The following DLGAP4 variants were observed in gnomAD, a reference collection of about 807,000 sequenced individuals.
DLGAP4 encodes disks large-associated protein 4.
DLGAP4 carries 18 observed loss-of-function variants against 86.9 expected under a neutral mutation model. The ratio of observed to expected loss-of-function variants is 0.21; its 90% confidence interval spans 0.14 to 0.31. The LOEUF is 0.31. Among genes scored for constraint, DLGAP4 ranks in the 10% least tolerant of loss-of-function variants. DLGAP4 has a pLI of 1.00. For synonymous variants in DLGAP4, 548 were observed against 574.3 expected, an observed-to-expected ratio of 0.95 and a Z score of 0.65; for missense variants, 1,085 against 1,362.6, an observed-to-expected ratio of 0.80 and a Z score of 3.21.
intron 1 of DLGAP4, among the ~76,000 whole-genome samples, chr20:36,341,995 G>T (rs1335071095): frequency 6.6e-6 from 1 of 152,226 alleles, no homozygotes. Flanking sequence ...AACAGCAGCA[G>T]GCTGTTGGAT....
chr20:36,437,113 A>C (rs753747593), intron 4 of DLGAP4, among the ~76,000 whole-genome samples: 3 of 152,138 alleles, frequency 2.0e-5, no homozygotes, highest in Non-Finnish European at 4.4e-5. Flanking sequence ...ACTCACTACT[A>C]TAATGATCCA....
chr20:36,385,902 G>A (rs2031578527), intron 2 of DLGAP4, among the ~76,000 whole-genome samples: 1 of 152,216 alleles, frequency 6.6e-6, no homozygotes, highest in African/African-American at 2.4e-5. Flanking sequence ...CTTCAGCCCA[G>A]GAGGCTTAGC....
chr20:36,374,512 T>C (rs1425210184), intron 2 of DLGAP4, among the ~76,000 whole-genome samples: 2 of 152,158 alleles, frequency 1.3e-5, no homozygotes, highest in Non-Finnish European at 2.9e-5. Context: ...GGGTAAGAAC[T>C]TGGACTTGAT....
At chr20:36,347,302 G>A (rs1199519246) in intron 1 of DLGAP4, among the ~76,000 whole-genome samples, 3 of 152,188 alleles carry the variant, frequency 2.0e-5, no homozygotes, top group African/African-American at 4.8e-5. Context: ...TTAGAAGCAA[G>A]GCTATTGGGG....
At chr20:36,378,204 G>C (rs1240876618) in intron 2 of DLGAP4, among the ~76,000 whole-genome samples, 3 of 152,140 alleles carry the variant, frequency 2.0e-5, no homozygotes. Flanking sequence ...TAGATACCAA[G>C]CTCCAGATCA....
intron 7 of DLGAP4, among the ~76,000 whole-genome samples, chr20:36,477,705 T>C (rs923365504): frequency 6.6e-6 from 1 of 152,244 alleles, no homozygotes; most frequent in Non-Finnish European, 1.5e-5. Context: ...GACAATACTT[T>C]CCAACATATT....
chr20:36,461,724 C>T, intron 7 of DLGAP4: 6 of 892,956 alleles, frequency 6.7e-6, no homozygotes, highest in Non-Finnish European at 7.8e-6. Context: ...CCTCCTCCTC[C>T]CCGTCTGTCC....
Position 36,377,846 on chromosome 20 carries a change from C to G in DLGAP4, c.-73+10571C>G, listed in dbSNP as rs73905345. Among the ~76,000 whole-genome samples, 756 of 152,356 alleles carry G rather than the reference C, an allele frequency of 5.0e-3. 7 individuals are homozygous for G. Among genetic ancestry groups the G allele is most frequent in the African/African-American group, 0.017 (716 of 41,580 alleles). On this transcript the variant is annotated intron_variant, in intron 2 of 12. Transcript: ENST00000339266. Reference sequence around the variant, plus strand: ...AACCACACGGGCTGACATTTCCAGACAGACGCTGGAATCAGCTCTTCGGGG... The same window carrying G: ...AACCACACGGGCTGACATTTCCAGAGAGACGCTGGAATCAGCTCTTCGGGG...
intron 10 of DLGAP4, among the ~76,000 whole-genome samples, chr20:36,523,390 A>G (rs562924240): frequency 2.6e-5 from 4 of 152,312 alleles, no homozygotes; most frequent in East Asian, 1.9e-4. Flanking sequence ...ATTTTTTACA[A>G]TTCTTCTGAT....
Position 36,360,588 on chromosome 20 carries a change from G to A in DLGAP4, c.-303-6457G>A, listed in dbSNP as rs1289058738. 2.6e-5 allele frequency among the ~76,000 whole-genome samples: 4 copies of A among 152,222 alleles called. No individual in the cohort carries two copies. In the East Asian group the frequency reaches 5.8e-4, roughly 22 times the overall value. On this transcript the variant is annotated intron_variant, in intron 1 of 12. Transcript: ENST00000339266. Reference sequence around the variant, plus strand: ...TGGCTTGGGGCGTCAGGGCCATGGCGAATTGTGGGTGGCGGCTTGGTGGGT... The same window carrying A: ...TGGCTTGGGGCGTCAGGGCCATGGCAAATTGTGGGTGGCGGCTTGGTGGGT...
Position 36,431,892 on chromosome 20 carries a change from C to T in DLGAP4, c.175C>T (p.Pro59Ser). 6.2e-7 allele frequency: 1 copy of T among 1,614,152 alleles called. No homozygotes were observed. Among genetic ancestry groups the T allele is most frequent in the Admixed American group, 1.7e-5 (1 of 60,026 alleles). Reference protein sequence around the residue: ...QNTLPGDGLFPLNNQLPPPSS... With the variant: ...QNTLPGDGLFSLNNQLPPPSS... ...CACCCTGCCAGGAGATGGCCTCTTT[C>T]CCCTCAACAACCAGCTGCCCCCGCC... Residue 59 changes from proline to serine, a missense_variant, in exon 3 of 13, where the codon CCC (proline) becomes TCC (serine). Coordinates refer to ENST00000339266, the MANE Select transcript of DLGAP4 (RefSeq NM_001365621.2). The surrounding 1 kb of genome is among the most constrained non-coding windows in gnomAD (Gnocchi z 5.1).
At chr20:36,408,723 G>A (rs377588348) in intron 2 of DLGAP4, among the ~76,000 whole-genome samples, 3 of 152,348 alleles carry the variant, frequency 2.0e-5, no homozygotes, top group East Asian at 3.9e-4. Flanking sequence ...ACTCCCAGGA[G>A]CCTGCAGCTT....
Position 36,500,479 on chromosome 20 carries a change from C to T in DLGAP4, c.2380C>T (p.Pro794Ser). The part of the protein sequence containing the change: ...LETSSSSPAE[P>S]AQPGACRRDG... ...GACCTCCTCCAGCTCCCCAGCAGAG[C>T]CGGCACAGCCAGGGGCCTGCCGCCG... is the stretch of plus-strand genomic sequence containing the variant. The change falls in exon 10 of 13, where the codon CCG becomes TCG. Residue 794 changes from proline (P) to serine (S), a missense_variant. By Grantham distance (74) the Pro-to-Ser change is moderately conservative. This residue lies in a region of DLGAP4 where 1,082 missense variants were observed against 1,344.1 expected (regional missense o/e 0.81). Transcript: ENST00000339266. The surrounding 1 kb of genome is among the most constrained non-coding windows in gnomAD (Gnocchi z 4.6). 6.3e-7 allele frequency: 1 copy of T among 1,592,256 alleles called. No individual in the cohort carries two copies. The highest frequency in any genetic ancestry group is 8.6e-7 in the Non-Finnish European group (1 of 1,168,508).
At chr20:36,328,059 T>C (rs191824081) in intron 1 of DLGAP4, among the ~76,000 whole-genome samples, 1,649 of 151,572 alleles carry the variant, frequency 0.011, 19 homozygotes, top group Non-Finnish European at 0.014. Context: ...ATTAGCTGGG[T>C]GTGGTGGTAC....
chr20:36,310,117 T>G (rs1426134058), intron 1 of DLGAP4, among the ~76,000 whole-genome samples: 1 of 150,630 alleles, frequency 6.6e-6, no homozygotes, highest in Non-Finnish European at 1.5e-5. Context: ...GAGGATTCCT[T>G]GAGTCCAGGA....
intron 2 of DLGAP4, among the ~76,000 whole-genome samples, chr20:36,370,557 C>G (rs1162664063): frequency 6.6e-6 from 1 of 151,982 alleles, no homozygotes; most frequent in Non-Finnish European, 1.5e-5. Context: ...CCAAGGCATA[C>G]TCAGGTCTCA....
intron 10 of DLGAP4, among the ~76,000 whole-genome samples, chr20:36,522,737 C>G (rs1027837599): frequency 6.6e-6 from 1 of 152,090 alleles, no homozygotes; most frequent in Non-Finnish European, 1.5e-5. Context: ...AGACTGGTCT[C>G]GAATTCCTGA....
intron 6 of DLGAP4, 84 bp downstream of exon 6, chr20:36,442,861 C>T: frequency 1.3e-6 from 2 of 1,570,646 alleles, no homozygotes; most frequent in East Asian, 2.2e-5. Context: ...GGTCCCAGCA[C>T]CCGGCCCAGG....
At chr20:36,468,233 A>C (rs1219515287) in intron 7 of DLGAP4, among the ~76,000 whole-genome samples, 1 of 152,216 alleles carries the variant, frequency 6.6e-6, no homozygotes, top group Non-Finnish European at 1.5e-5. Flanking sequence ...GATAGTAGGC[A>C]TGTCCACCAC....
Sources: gnomAD v4.1 joint callset for allele counts (sites outside exome capture counted in the v4.1 genomes callset) on GRCh38, gnomAD v4.1.1 for gene constraint, gnomAD v4.1.1 regional missense constraint, Gnocchi (gnomAD v3.1) non-coding constraint, MANE v1.5 for transcripts, NCBI Gene and HGNC (gene_info 2026-07-23, HGNC 2026-07-21) for gene names.